The following NACC1 variants were observed in gnomAD, a reference collection of about 807,000 sequenced individuals.
The protein encoded by NACC1 is nucleus accumbens associated 1, also known as nucleus accumbens-associated protein 1.
In NACC1, 6 loss-of-function variants were observed where a neutral mutation model predicts 41.7. That is an observed-to-expected ratio of 0.14 (90% CI 0.08 to 0.28). The LOEUF (loss-of-function observed/expected upper bound fraction) is 0.28. Among genes scored for constraint, NACC1 ranks in the 10% least tolerant of loss-of-function variants. The pLI, the probability that NACC1 is intolerant of heterozygous loss-of-function variation, is 1.00. For missense variants in NACC1, 434 were observed against 763.7 expected (o/e 0.57, Z 5.09); for synonymous variants, 338 against 330.6 (o/e 1.02, Z -0.24).
intron 1 of NACC1, among the ~76,000 whole-genome samples, chr19:13,131,142 A>G (rs2019629715): frequency 6.6e-6 from 1 of 152,118 alleles, no homozygotes; most frequent in African/African-American, 2.4e-5. Flanking sequence ...TCCTCACTAG[A>G]CAGCTCCACA....
upstream of NACC1, among the ~76,000 whole-genome samples, chr19:13,117,837 A>G (rs1419576725): frequency 1.3e-5 from 2 of 152,290 alleles, no homozygotes; most frequent in East Asian, 3.9e-4. Context: ...TACAGGCGTG[A>G]GACACCGCGC....
chr19:13,126,646 C>T (rs1486015593), intron 1 of NACC1, among the ~76,000 whole-genome samples: 21 of 152,238 alleles, frequency 1.4e-4, no homozygotes, highest in Non-Finnish European at 8.8e-5. Flanking sequence ...GGTAACACTG[C>T]GGTCTCAATA....
At position 13,138,669 on chromosome 19, in the gene NACC1, A is replaced by T; in HGVS notation, c.*263A>T. 1 of 519,616 alleles carries T rather than the reference A, an allele frequency of 1.9e-6. No individual in the cohort carries two copies. Among genetic ancestry groups the T allele is most frequent in the Non-Finnish European group, 3.5e-6 (1 of 287,318 alleles). The allele number at this position is 519,616 out of a possible 1,614,324, so 32.2% of individuals were successfully genotyped here. Reference sequence around the variant, plus strand: ...GGGGGAGTTCTGGCTCCCCAACCTAACCCCTAGCCGTCATCTCCACACTCA... The same window carrying T: ...GGGGGAGTTCTGGCTCCCCAACCTATCCCCTAGCCGTCATCTCCACACTCA... On this transcript the variant is annotated 3_prime_UTR_variant, in exon 6 of 6. Coordinates refer to ENST00000292431, the MANE Select transcript of NACC1 (RefSeq NM_052876.4). The surrounding 1 kb of genome is among the most constrained non-coding windows in gnomAD (Gnocchi z 5.7).
chr19:13,128,369 G>T (rs897201314), intron 1 of NACC1, among the ~76,000 whole-genome samples: 1 of 152,300 alleles, frequency 6.6e-6, no homozygotes, highest in East Asian at 1.9e-4. Flanking sequence ...TCAGGTTCTG[G>T]TGAGGGCTCT....
chr19:13,132,962 G>A (rs185205754), intron 1 of NACC1, among the ~76,000 whole-genome samples: 71 of 152,250 alleles, frequency 4.7e-4, no homozygotes, highest in Admixed American at 2.6e-3. Context: ...AACACTTGCC[G>A]TTTCTATTCC....
chr19:13,140,711 C>A lies in NACC1; in HGVS notation c.*2305C>A, dbSNP rs1286467495. The A allele has an allele frequency of 2.0e-5, 3 of 152,540 alleles. No individual in the cohort carries two copies. Among genetic ancestry groups the A allele is most frequent in the African/African-American group, 7.3e-5 (3 of 41,368 alleles). 9.4% of individuals were successfully genotyped at this position (152,540 alleles called of 1,614,324 possible). A position where few individuals can be genotyped will look rare whatever the true frequency, so the allele number is the denominator to read the frequency against. Reference sequence around the variant, plus strand: ...GAGCCAAAGACAGGGTTGTGCCTTACCCCAGGAGCCACCCCTGTACCCCCC... The same window carrying A: ...GAGCCAAAGACAGGGTTGTGCCTTAACCCAGGAGCCACCCCTGTACCCCCC... On this transcript the variant is annotated 3_prime_UTR_variant, in exon 6 of 6. Coordinates refer to ENST00000292431, the MANE Select transcript of NACC1 (RefSeq NM_052876.4). This position sits in a 1 kb window ranked among gnomAD's most constrained non-coding sequence, Gnocchi z 4.0.
In NACC1 at chr19:13,135,875, A is replaced by T; in HGVS notation, c.668A>T (p.Gln223Leu). The change falls in exon 2 of 6, where the codon CAA becomes CTA. Residue 223 changes from glutamine to leucine, a missense_variant. Physicochemically the swap from Gln to Leu is moderately radical, Grantham distance 113. Coordinates refer to ENST00000292431, the MANE Select transcript of NACC1 (RefSeq NM_052876.4). Reference sequence around the variant, plus strand: ...CGGCCTCACCAGCCCCCGCCACCCCAACAGGCTCCGGTGGTGGCAGCAGCC... The same window carrying T: ...CGGCCTCACCAGCCCCCGCCACCCCTACAGGCTCCGGTGGTGGCAGCAGCC... ...ANRPHQPPPP[Q>L]QAPVVAAAQP... 1 of 1,558,208 alleles carries T rather than the reference A, an allele frequency of 6.4e-7. No individual in the cohort carries two copies. The highest frequency in any genetic ancestry group is 8.7e-7 in the Non-Finnish European group (1 of 1,153,784).
At chr19:13,120,340 G>T (rs117012858) in intron 1 of NACC1, among the ~76,000 whole-genome samples, 9 of 152,174 alleles carry the variant, frequency 5.9e-5, no homozygotes, top group Non-Finnish European at 1.0e-4. Flanking sequence ...GCCCCCAGTC[G>T]GATGGCAGCA....
At chr19:13,124,786 AC>A (rs1351565857) in intron 1 of NACC1, among the ~76,000 whole-genome samples, 1 of 152,032 alleles carries the variant, frequency 6.6e-6, no homozygotes, top group Non-Finnish European at 1.5e-5. Flanking sequence ...GTAATAAAAT[AC>A]CTTAGACTGG....
intron 1 of NACC1, among the ~76,000 whole-genome samples, chr19:13,133,633 C>CATGG (rs769048399): frequency 6.6e-6 from 1 of 152,120 alleles, no homozygotes; most frequent in Non-Finnish European, 1.5e-5. Flanking sequence ...AATAATATCC[C>CATGG]ATTGTATGGA....
At chr19:13,122,821 C>T (rs570705155) in intron 1 of NACC1, among the ~76,000 whole-genome samples, 1 of 152,270 alleles carries the variant, frequency 6.6e-6, no homozygotes, top group African/African-American at 2.4e-5. Context: ...GTCTTCTACT[C>T]CCAGGGAGTT....
At chr19:13,123,923 C>T (rs1428967032) in intron 1 of NACC1, among the ~76,000 whole-genome samples, 2 of 152,148 alleles carry the variant, frequency 1.3e-5, no homozygotes, top group Non-Finnish European at 2.9e-5. Flanking sequence ...CAGGCAGGCT[C>T]ATTTCTTCCT....
In NACC1 at chr19:13,137,232, G is replaced by A; in HGVS notation, c.1121-39G>A. 6.3e-7 allele frequency: 1 copy of A among 1,592,646 alleles called. No homozygotes were observed. Among genetic ancestry groups the A allele is most frequent in the Non-Finnish European group, 8.6e-7 (1 of 1,163,398 alleles). On this transcript the variant is annotated intron_variant, in intron 3 of 5. Transcript: ENST00000292431. This position sits in a 1 kb window ranked among gnomAD's most constrained non-coding sequence, Gnocchi z 6.1. ...GGTATCATGGGGGCTGTGGCGGTTT[G>A]GGGGCACCCCAGGCCATCCTCCGGC... is the stretch of plus-strand genomic sequence containing the variant.
chr19:13,121,826 C>G (rs1223926476), intron 1 of NACC1, among the ~76,000 whole-genome samples: 2 of 152,188 alleles, frequency 1.3e-5, no homozygotes, highest in African/African-American at 2.4e-5. Context: ...CTTGTACACA[C>G]TCGAACTCAT....
In NACC1 at chr19:13,140,426, G is replaced by C. The variant is rs1052072310; in HGVS notation, c.*2020G>C. 1.3e-5 allele frequency: 2 copies of C among 152,654 alleles called. No homozygotes were observed. The highest frequency in any genetic ancestry group is 2.1e-4 in the South Asian group (1 of 4,766). 9.5% of individuals were successfully genotyped at this position (152,654 alleles called of 1,614,324 possible). On this transcript the variant is annotated 3_prime_UTR_variant, in exon 6 of 6. Transcript: ENST00000292431. This position sits in a 1 kb window ranked among gnomAD's most constrained non-coding sequence, Gnocchi z 4.0. ...CCCACTTCCAGGCCTTAGTTGGGGT[G>C]GGGGGGCCAGCTCCTGGGCCTGGGG...
rs972399222 is a variant in NACC1 at position 13,136,640 on chromosome 19, G to A, written c.1120+235G>A. On this transcript the variant is annotated intron_variant, in intron 3 of 5. Coordinates refer to ENST00000292431, the MANE Select transcript of NACC1 (RefSeq NM_052876.4). The surrounding 1 kb of genome is among the most constrained non-coding windows in gnomAD (Gnocchi z 5.5). Reference sequence around the variant, plus strand: ...GTCGGGGCGAGCATTGGCTATTATTGTTTGGCCGCATGGGTAGATTAGCTA... The same window carrying A: ...GTCGGGGCGAGCATTGGCTATTATTATTTGGCCGCATGGGTAGATTAGCTA... Among the ~76,000 whole-genome samples, 3 of 152,192 alleles carry A rather than the reference G, an allele frequency of 2.0e-5. No individual in the cohort carries two copies. Among genetic ancestry groups the A allele is most frequent in the African/African-American group, 7.2e-5 (3 of 41,448 alleles).
In NACC1 at chr19:13,136,622, C is replaced by T. The variant is rs138979977; in HGVS notation, c.1120+217C>T. On this transcript the variant is annotated intron_variant, in intron 3 of 5. Coordinates refer to ENST00000292431, the MANE Select transcript of NACC1 (RefSeq NM_052876.4). The surrounding 1 kb of genome is among the most constrained non-coding windows in gnomAD (Gnocchi z 5.5). ...AGGTTTCTGGCTTAAGGGGTCGGGGCGAGCATTGGCTATTATTGTTTGGCC... is the reference window on the plus strand; with the variant it reads ...AGGTTTCTGGCTTAAGGGGTCGGGGTGAGCATTGGCTATTATTGTTTGGCC... 2.4e-4 allele frequency among the ~76,000 whole-genome samples: 36 copies of T among 152,266 alleles called. No individual in the cohort carries two copies. Among genetic ancestry groups the T allele is most frequent in the African/African-American group, 6.5e-4 (27 of 41,558 alleles).
upstream of NACC1, chr19:13,117,562 T>C (rs915087361): frequency 1.5e-5 from 2 of 136,684 alleles, no homozygotes; most frequent in Admixed American, 7.2e-5. Context: ...TTTCTTTCTT[T>C]CTTTTTTTTT....
intron 1 of NACC1, among the ~76,000 whole-genome samples, chr19:13,133,816 G>C (rs578156235): frequency 2.0e-5 from 3 of 152,226 alleles, no homozygotes; most frequent in African/African-American, 7.2e-5. Context: ...TGGGTCATAT[G>C]GTAACTCTCT....
Sources: allele counts gnomAD v4.1 joint callset (sites outside exome capture counted in the v4.1 genomes callset), GRCh38; gene constraint gnomAD v4.1.1; non-coding constraint Gnocchi (gnomAD v3.1); transcripts MANE v1.5; gene names NCBI Gene and HGNC (gene_info 2026-07-23, HGNC 2026-07-21).